Variants in ERBB4 observed in about 807,000 individuals in gnomAD.
ERBB4 encodes receptor tyrosine-protein kinase erbB-4.
ERBB4 carries 42 observed loss-of-function variants against 158.0 expected under a neutral mutation model. The observed-to-expected ratio is 0.27, with a 90% confidence interval of 0.21 to 0.34. ERBB4 has a LOEUF of 0.34. Ranked by LOEUF, ERBB4 falls within the 10% of genes least tolerant of loss-of-function variation. ERBB4 has a pLI of 1.00. For missense variants in ERBB4, 1,333 were observed against 1,624.1 expected, an observed-to-expected ratio of 0.82 and a Z score of 3.08; for synonymous variants, 583 against 558.7, an observed-to-expected ratio of 1.04 and a Z score of -0.61.
At chr2:211,568,024 G>C (rs776936309) in intron 19 of ERBB4, among the ~76,000 whole-genome samples, 2 of 152,002 alleles carry the variant, frequency 1.3e-5, no homozygotes, top group Non-Finnish European at 2.9e-5. Context: ...AATCTTTGCT[G>C]CTGTCACTAG....
chr2:212,005,472 G>A (rs551690409), intron 2 of ERBB4, among the ~76,000 whole-genome samples: 2 of 152,120 alleles, frequency 1.3e-5, no homozygotes, highest in Non-Finnish European at 2.9e-5. Flanking sequence ...CTGTAATAGC[G>A]GGAGGTTATG....
intron 1 of ERBB4, among the ~76,000 whole-genome samples, chr2:212,533,607 T>C (rs992878563): frequency 3.3e-5 from 5 of 152,102 alleles, no homozygotes; most frequent in Admixed American, 2.6e-4. Context: ...AAAAAGGGGT[T>C]ATTTTTCATT....
chr2:212,408,003 T>C (rs980376446), intron 1 of ERBB4, among the ~76,000 whole-genome samples: 1 of 152,026 alleles, frequency 6.6e-6, no homozygotes, highest in African/African-American at 2.4e-5. Context: ...GAATAAGTGT[T>C]TTATTCAGGA....
intron 1 of ERBB4, among the ~76,000 whole-genome samples, chr2:212,258,375 A>G (rs13393548): frequency 0.059 from 8,901 of 151,794 alleles, 827 homozygotes; most frequent in African/African-American, 0.2. Context: ...ACAAAACTGT[A>G]TCATAGAATT....
At chr2:212,040,128 T>C (rs1057059007) in intron 2 of ERBB4, among the ~76,000 whole-genome samples, 1 of 152,000 alleles carries the variant, frequency 6.6e-6, no homozygotes, top group East Asian at 1.9e-4. Flanking sequence ...ATATTTTAAC[T>C]GAGAATTCAA....
intron 13 of ERBB4, among the ~76,000 whole-genome samples, chr2:211,677,867 C>T (rs989946058): frequency 2.6e-5 from 4 of 151,482 alleles, no homozygotes; most frequent in South Asian, 2.1e-4. Flanking sequence ...AGCCAGACTC[C>T]GTTTCAAAAT....
chr2:212,537,177 C>T (rs79140232), intron 1 of ERBB4, among the ~76,000 whole-genome samples: 2,343 of 146,702 alleles, frequency 0.016, 60 homozygotes, highest in African/African-American at 0.056. Flanking sequence ...TACAGCTAGC[C>T]GTTTTCTTGG....
chr2:211,916,508 A>G (rs898290323), intron 3 of ERBB4, among the ~76,000 whole-genome samples: 2 of 152,174 alleles, frequency 1.3e-5, no homozygotes, highest in Non-Finnish European at 2.9e-5. Flanking sequence ...TTAATACTTC[A>G]TATTTACCTA....
chr2:212,184,913 C>T (rs1410208214), intron 1 of ERBB4, among the ~76,000 whole-genome samples: 1 of 151,998 alleles, frequency 6.6e-6, no homozygotes, highest in Non-Finnish European at 1.5e-5. Flanking sequence ...TTAGGATTAA[C>T]AAGGACCAAT....
At chr2:211,771,803 G>A (rs755301485) in intron 4 of ERBB4, among the ~76,000 whole-genome samples, 10 of 152,166 alleles carry the variant, frequency 6.6e-5, no homozygotes, top group African/African-American at 1.4e-4. Flanking sequence ...GGTGCTGGCC[G>A]AATCTCTTGG....
At chr2:211,748,735 A>C (rs2075043918) in intron 5 of ERBB4, among the ~76,000 whole-genome samples, 1 of 152,222 alleles carries the variant, frequency 6.6e-6, no homozygotes, top group Non-Finnish European at 1.5e-5. Flanking sequence ...TGAGTGAGTA[A>C]AAACTCATTT....
chr2:211,970,907 G>T (rs929011719), intron 2 of ERBB4, among the ~76,000 whole-genome samples: 2 of 152,134 alleles, frequency 1.3e-5, no homozygotes, highest in Non-Finnish European at 2.9e-5. Context: ...GTGTGGATTT[G>T]CTCTTGTCAT....
chr2:212,043,408 T>A (rs540945803), intron 2 of ERBB4, among the ~76,000 whole-genome samples: 1 of 152,252 alleles, frequency 6.6e-6, no homozygotes, highest in South Asian at 2.1e-4. Flanking sequence ...CATTAATAAA[T>A]GAGAATCTCT....
At chr2:211,827,572 T>C (rs2077129806) in intron 3 of ERBB4, among the ~76,000 whole-genome samples, 1 of 152,006 alleles carries the variant, frequency 6.6e-6, no homozygotes, top group East Asian at 1.9e-4. Flanking sequence ...GGTTTTTTTT[T>C]CAATCTTGCT....
chr2:211,642,877 A>T (rs753401531), intron 16 of ERBB4, among the ~76,000 whole-genome samples: 1 of 152,162 alleles, frequency 6.6e-6, no homozygotes, highest in African/African-American at 2.4e-5. Flanking sequence ...TGGAAAGAAA[A>T]TGAGAAGAGT....
chr2:212,253,744 TAAGTA>T (rs1232012075), intron 1 of ERBB4, among the ~76,000 whole-genome samples: 1 of 152,150 alleles, frequency 6.6e-6, no homozygotes, highest in Non-Finnish European at 1.5e-5. Context: ...GTTAAGTAGT[TAAGTA>T]AAGTCATATG....
intron 1 of ERBB4, among the ~76,000 whole-genome samples, chr2:212,483,062 C>T (rs1689787985): frequency 6.6e-6 from 1 of 152,110 alleles, no homozygotes; most frequent in Admixed American, 6.5e-5. Flanking sequence ...GATGAATGGC[C>T]AGAGAGGCCA....
chr2:212,051,802 A>G (rs969981924), intron 2 of ERBB4, among the ~76,000 whole-genome samples: 2 of 152,192 alleles, frequency 1.3e-5, no homozygotes, highest in African/African-American at 4.8e-5. Flanking sequence ...TTTTATTAAC[A>G]TTTAAAAATA....
intron 1 of ERBB4, among the ~76,000 whole-genome samples, chr2:212,140,503 T>A (rs2125603522): frequency 6.8e-6 from 1 of 146,350 alleles, no homozygotes; most frequent in Non-Finnish European, 1.5e-5. Flanking sequence ...ATGTAAAAAG[T>A]ATATTTCATT....
Sources: gnomAD v4.1 joint callset for allele counts (sites outside exome capture counted in the v4.1 genomes callset) on GRCh38, gnomAD v4.1.1 for gene constraint, MANE v1.5 for transcripts, NCBI Gene and HGNC (gene_info 2026-07-23, HGNC 2026-07-21) for gene names.